Variants in RALGAPA2 observed in about 807,000 individuals in gnomAD.
The protein encoded by RALGAPA2 is Ral GTPase activating protein catalytic subunit alpha 2, also known as ral GTPase-activating protein subunit alpha-2.
Under a neutral mutation model 230.4 loss-of-function variants are expected in RALGAPA2, and 139 were observed. The observed-to-expected ratio is 0.60, with a 90% confidence interval of 0.53 to 0.69. RALGAPA2 has a LOEUF of 0.69. Ranked by LOEUF, RALGAPA2 falls within the 30% of genes least tolerant of loss-of-function variation. RALGAPA2 has a pLI of 0.00. For synonymous variants in RALGAPA2, 847 were observed against 837.8 expected (o/e 1.01, Z -0.19); for missense variants, 2,163 against 2,276.0 (o/e 0.95, Z 1.01).
At chr20:20,396,488 C>G (rs1278354496) in intron 39 of RALGAPA2, among the ~76,000 whole-genome samples, 1 of 152,226 alleles carries the variant, frequency 6.6e-6, no homozygotes. Context: ...CCCGAGTGCA[C>G]GGGCAGAAGA....
intron 23 of RALGAPA2, among the ~76,000 whole-genome samples, chr20:20,554,577 GCTGT>G (rs1425604702): frequency 1.3e-5 from 2 of 151,862 alleles, no homozygotes; most frequent in Non-Finnish European, 2.9e-5. Flanking sequence ...TTTTATTTGG[GCTGT>G]CTTTTTGTTG....
intron 35 of RALGAPA2, among the ~76,000 whole-genome samples, chr20:20,502,038 T>C (rs1255392893): frequency 6.6e-6 from 1 of 152,098 alleles, no homozygotes; most frequent in Non-Finnish European, 1.5e-5. Context: ...CAGATCACCA[T>C]ATGAGATAAT....
At chr20:20,413,372 G>A (rs781535846) in intron 37 of RALGAPA2, among the ~76,000 whole-genome samples, 2 of 152,260 alleles carry the variant, frequency 1.3e-5, no homozygotes, top group Middle Eastern at 3.4e-3. Context: ...TGTGCACACC[G>A]ATCTCTAAAT....
chr20:20,417,707 T>C (rs996246034), intron 37 of RALGAPA2, among the ~76,000 whole-genome samples: 8 of 152,224 alleles, frequency 5.3e-5, no homozygotes, highest in Non-Finnish European at 8.8e-5. Context: ...ATCAAATTTA[T>C]GTCAAGAGAA....
intron 26 of RALGAPA2, among the ~76,000 whole-genome samples, chr20:20,534,171 G>A (rs1254805945): frequency 5.3e-5 from 8 of 152,152 alleles, no homozygotes; most frequent in Middle Eastern, 3.2e-3. Flanking sequence ...ATGGCTGGGC[G>A]CAGTAGCTCA....
intron 37 of RALGAPA2, among the ~76,000 whole-genome samples, chr20:20,464,237 G>A (rs897110002): frequency 3.3e-5 from 5 of 152,108 alleles, no homozygotes; most frequent in African/African-American, 1.2e-4. Context: ...CAGAGTTTGC[G>A]GACTTTCCAA....
At chr20:20,680,654 C>G in intron 2 of RALGAPA2, 37 bp downstream of exon 2, 1 of 1,495,620 alleles carries the variant, frequency 6.7e-7, no homozygotes, top group Non-Finnish European at 8.9e-7. Flanking sequence ...TAAAAATGCC[C>G]GAATGTTTTT....
intron 26 of RALGAPA2, among the ~76,000 whole-genome samples, chr20:20,532,843 T>C (rs1157369438): frequency 6.6e-6 from 1 of 152,010 alleles, no homozygotes; most frequent in Non-Finnish European, 1.5e-5. Flanking sequence ...AGGAGAAAGT[T>C]CAGTGAGGCA....
At position 20,635,552 on chromosome 20, in the gene RALGAPA2, T is replaced by C. The variant is rs1333911649; in HGVS notation, c.871A>G (p.Ser291Gly). Reference sequence around the variant, plus strand: ...GCTGCCATATATGGAATCTTTGTACTGTAAATGTTCTCATTGTCTCGAGTG... The same window carrying C: ...GCTGCCATATATGGAATCTTTGTACCGTAAATGTTCTCATTGTCTCGAGTG... Reference protein sequence around the residue: ...TTTRDNENIYSTKIPYMAARV... With the variant: ...TTTRDNENIYGTKIPYMAARV... Residue 291 changes from serine to glycine, a missense_variant, in exon 9 of 40, where the codon AGT becomes GGT. Ser to Gly is a moderately conservative substitution (Grantham distance 56, BLOSUM62 0). Transcript: ENST00000202677. 6.3e-7 allele frequency: 1 copy of C among 1,591,880 alleles called. No individual in the cohort carries two copies. Among genetic ancestry groups the C allele is most frequent in the Non-Finnish European group, 8.5e-7 (1 of 1,172,356 alleles).
intron 23 of RALGAPA2, among the ~76,000 whole-genome samples, chr20:20,560,286 T>G (rs573428135): frequency 6.6e-6 from 1 of 152,352 alleles, no homozygotes; most frequent in African/African-American, 2.4e-5. Flanking sequence ...GTATTTTGTT[T>G]TAATGTCTTA....
At chr20:20,459,922 G>A (rs1423212943) in intron 37 of RALGAPA2, among the ~76,000 whole-genome samples, 1 of 152,078 alleles carries the variant, frequency 6.6e-6, no homozygotes, top group Non-Finnish European at 1.5e-5. Flanking sequence ...AATACTCACT[G>A]GGCACTGACC....
At chr20:20,580,725 C>T (rs1225445528) in intron 20 of RALGAPA2, among the ~76,000 whole-genome samples, 1 of 152,110 alleles carries the variant, frequency 6.6e-6, no homozygotes, top group Non-Finnish European at 1.5e-5. Flanking sequence ...CCCAGGTAAA[C>T]TTTAAGACAA....
intron 10 of RALGAPA2, among the ~76,000 whole-genome samples, chr20:20,622,700 T>G (rs1286175350): frequency 6.6e-6 from 1 of 152,024 alleles, no homozygotes; most frequent in Non-Finnish European, 1.5e-5. Context: ...AACTTATCCT[T>G]TAGATAGAAG....
chr20:20,462,733 T>G (rs2061332177), intron 37 of RALGAPA2, among the ~76,000 whole-genome samples: 1 of 152,234 alleles, frequency 6.6e-6, no homozygotes, highest in Non-Finnish European at 1.5e-5. Context: ...GGAAACCTGC[T>G]GGGAGCTCAC....
chr20:20,603,878 T>C (rs985774885), intron 15 of RALGAPA2, among the ~76,000 whole-genome samples: 1 of 152,214 alleles, frequency 6.6e-6, no homozygotes, highest in Non-Finnish European at 1.5e-5. Flanking sequence ...CTGGTATTAT[T>C]AAAGGGTAGT....
chr20:20,563,344 CAAAT>C (rs1044428211), intron 23 of RALGAPA2, among the ~76,000 whole-genome samples: 10 of 152,148 alleles, frequency 6.6e-5, no homozygotes, highest in Non-Finnish European at 1.0e-4. Flanking sequence ...TAATTAGTAA[CAAAT>C]ATATGTCTTG....
chr20:20,427,513 G>A (rs1360667316), intron 37 of RALGAPA2, among the ~76,000 whole-genome samples: 7 of 151,878 alleles, frequency 4.6e-5, no homozygotes, highest in African/African-American at 7.3e-5. Flanking sequence ...CCCTCCGACC[G>A]GCTAGCCCAG....
chr20:20,632,078 G>A (rs1006264856), intron 9 of RALGAPA2, among the ~76,000 whole-genome samples: 4 of 151,462 alleles, frequency 2.6e-5, no homozygotes, highest in African/African-American at 7.3e-5. Flanking sequence ...AGGCTGGAGT[G>A]CAGTGGCTCG....
intron 1 of RALGAPA2, among the ~76,000 whole-genome samples, chr20:20,705,965 C>T (rs2069585718): frequency 6.6e-6 from 1 of 152,182 alleles, no homozygotes; most frequent in South Asian, 2.1e-4. Context: ...CCGCACCCCG[C>T]CAAGGTTTTT....
Sources: allele counts gnomAD v4.1 joint callset (sites outside exome capture counted in the v4.1 genomes callset), GRCh38; gene constraint gnomAD v4.1.1; transcripts MANE v1.5; gene names NCBI Gene and HGNC (gene_info 2026-07-23, HGNC 2026-07-21).